The following SLCO1B1 variants were observed in gnomAD, a reference collection of about 807,000 sequenced individuals.
SLCO1B1 encodes OATP-2.
SLCO1B1 carries 81 observed loss-of-function variants against 70.1 expected under a neutral mutation model. That is an observed-to-expected ratio of 1.16 (90% confidence interval 0.97 to 1.39). The LOEUF is 1.39. Ranked by LOEUF, SLCO1B1 falls within the 40% of genes most tolerant of loss-of-function variation. The probability of loss-of-function intolerance (pLI) is 0.00; values close to 1 mark genes in which losing one functional copy is unlikely to be tolerated. For missense variants in SLCO1B1, 895 were observed against 799.6 expected (o/e 1.12, Z -1.44); for synonymous variants, 283 against 271.5 (o/e 1.04, Z -0.42).
intron 1 of SLCO1B1, among the ~76,000 whole-genome samples, chr12:21,139,771 C>T (rs541161139): frequency 6.2e-4 from 95 of 152,224 alleles, no homozygotes; most frequent in Non-Finnish European, 1.0e-3. Context: ...CAAAATGAAG[C>T]TCTGTCTTCT....
intron 7 of SLCO1B1, among the ~76,000 whole-genome samples, chr12:21,187,665 A>G (rs1309027880): frequency 7.4e-6 from 1 of 135,872 alleles, no homozygotes; most frequent in Non-Finnish European, 1.6e-5. Flanking sequence ...CTATTGTTAT[A>G]GGGAAAAAAA....
At chr12:21,160,101 A>G (rs1462805850) in intron 2 of SLCO1B1, among the ~76,000 whole-genome samples, 2 of 124,016 alleles carry the variant, frequency 1.6e-5, no homozygotes, top group African/African-American at 2.9e-5. Context: ...TATTCTTCAC[A>G]GAACTAAAAA....
At chr12:21,226,939 A>C (rs1941488601) in intron 14 of SLCO1B1, among the ~76,000 whole-genome samples, 1 of 152,150 alleles carries the variant, frequency 6.6e-6, no homozygotes, top group African/African-American at 2.4e-5. Context: ...ATGGCTATTA[A>C]ATATATAAAA....
At chr12:21,211,433 C>A (rs1413492779) in intron 11 of SLCO1B1, among the ~76,000 whole-genome samples, 2 of 152,216 alleles carry the variant, frequency 1.3e-5, no homozygotes, top group East Asian at 3.8e-4. Context: ...GGTGGATAAG[C>A]TTTTGGATGT....
In SLCO1B1 at chr12:21,197,045, T is replaced by C; in HGVS notation, c.827T>C (p.Phe276Ser). 2 of 1,613,828 alleles carry C rather than the reference T, an allele frequency of 1.2e-6. No individual in the cohort carries two copies. Among genetic ancestry groups the C allele is most frequent in the South Asian group, 2.2e-5 (2 of 91,076 alleles). Residue 276 changes from phenylalanine to serine, a missense_variant, in exon 8 of 15, where the codon TTC (phenylalanine) becomes TCC (serine). Coordinates refer to ENST00000256958, the MANE Select transcript of SLCO1B1 (RefSeq NM_006446.5). ...TTCTCCATTATTTCTTCCATACCAT[T>C]CTTTTTCTTGCCCCAAACTCCAAAT... ...GLFSIISSIPFFFLPQTPNKP... is the reference protein window; with the variant it reads ...GLFSIISSIPSFFLPQTPNKP...
chr12:21,216,641 C>G (rs1941361037), intron 11 of SLCO1B1, among the ~76,000 whole-genome samples: 1 of 152,004 alleles, frequency 6.6e-6, no homozygotes. Context: ...TCTATTTTTC[C>G]TGGACTCAGT....
At chr12:21,206,091 A>T in intron 11 of SLCO1B1, 58 bp downstream of exon 11, 1 of 1,388,792 alleles carries the variant, frequency 7.2e-7, no homozygotes, top group South Asian at 1.2e-5. Context: ...AGATTGAACA[A>T]TTTTTTACCA....
chr12:21,144,040 A>C (rs1940349355), intron 2 of SLCO1B1, among the ~76,000 whole-genome samples: 1 of 151,960 alleles, frequency 6.6e-6, no homozygotes, highest in Non-Finnish European at 1.5e-5. Flanking sequence ...CCTTCTCCTC[A>C]ATTTTTGTAC....
chr12:21,179,179 AT>A (rs1940862744), intron 7 of SLCO1B1, among the ~76,000 whole-genome samples, 159 bp downstream of exon 7: 2 of 152,190 alleles, frequency 1.3e-5, no homozygotes, highest in African/African-American at 2.4e-5. Flanking sequence ...ATCAGAATAA[AT>A]ATAAAATCCA....
At position 21,178,961 on chromosome 12, in the gene SLCO1B1, G is replaced by T. The variant is rs746255403; in HGVS notation, c.668G>T (p.Gly223Val). 1.2e-6 allele frequency: 2 copies of T among 1,612,022 alleles called. No homozygotes were observed. The highest frequency in any genetic ancestry group is 1.7e-6 in the Non-Finnish European group (2 of 1,178,672). Residue 223 changes from glycine (G) to valine (V), a missense_variant, in exon 7 of 15, where the codon GGC becomes GTC. Transcript: ENST00000256958. ...ATAGCAATGATTGGTCCAATCATTGGCTTTACCCTGGGATCTCTGTTTTCT... is the reference window on the plus strand; with the variant it reads ...ATAGCAATGATTGGTCCAATCATTGTCTTTACCCTGGGATCTCTGTTTTCT... ...NAIAMIGPII[G>V]FTLGSLFSKM...
Sources: allele counts gnomAD v4.1 joint callset (sites outside exome capture counted in the v4.1 genomes callset), GRCh38; gene constraint gnomAD v4.1.1; transcripts MANE v1.5; gene names NCBI Gene and HGNC (gene_info 2026-07-23, HGNC 2026-07-21).